Variants in LRP1B observed in about 807,000 individuals in gnomAD.
LRP1B encodes LDL receptor related protein 1B, also known as low-density lipoprotein receptor-related protein 1B.
A neutral mutation model predicts 556.6 loss-of-function variants in LRP1B; 217 were observed. The ratio of observed to expected loss-of-function variants is 0.39; its 90% CI spans 0.35 to 0.44. The LOEUF is 0.44. LRP1B is among the 20% of genes least tolerant of loss of function. LRP1B has a pLI of 1.00. For missense variants in LRP1B, 5,053 were observed against 5,620.8 expected (o/e 0.90, Z 3.23); for synonymous variants, 2,047 against 1,865.8 (o/e 1.10, Z -2.50).
At chr2:140,414,034 G>A (rs2105252649) in intron 66 of LRP1B, among the ~76,000 whole-genome samples, 1 of 152,138 alleles carries the variant, frequency 6.6e-6, no homozygotes, top group South Asian at 2.1e-4. Context: ...TCCCACCTCA[G>A]GAGTACCTGT....
intron 1 of LRP1B, among the ~76,000 whole-genome samples, chr2:141,822,115 A>G (rs1198374582): frequency 8.4e-6 from 1 of 119,060 alleles, no homozygotes. Context: ...ACACACACAC[A>G]CACACACACA....
At chr2:141,589,758 G>A (rs940630788) in intron 2 of LRP1B, among the ~76,000 whole-genome samples, 1 of 152,100 alleles carries the variant, frequency 6.6e-6, no homozygotes, top group African/African-American at 2.4e-5. Flanking sequence ...GTTGTCATAT[G>A]GCTAAATCCT....
At chr2:141,000,671 A>C (rs895230503) in intron 15 of LRP1B, among the ~76,000 whole-genome samples, 1 of 151,960 alleles carries the variant, frequency 6.6e-6, no homozygotes, top group African/African-American at 2.4e-5. Flanking sequence ...CTCATCTTTC[A>C]TTTTCTTTTG....
chr2:141,059,165 C>G, intron 8 of LRP1B, 111 bp from the exon 9 acceptor site: 2 of 638,640 alleles, frequency 3.1e-6, no homozygotes, highest in Admixed American at 3.3e-5. Flanking sequence ...AGAAGAACCG[C>G]AAGGATGTTA....
chr2:141,223,974 C>A (rs1013616095), intron 6 of LRP1B, among the ~76,000 whole-genome samples: 1 of 152,116 alleles, frequency 6.6e-6, no homozygotes, highest in African/African-American at 2.4e-5. Flanking sequence ...TAGGCACGGG[C>A]AAAGATTTCC....
chr2:141,204,060 A>G (rs75858813), intron 6 of LRP1B, among the ~76,000 whole-genome samples: 1,883 of 152,312 alleles, frequency 0.012, 36 homozygotes, highest in African/African-American at 0.044. Flanking sequence ...ATAGCATTAA[A>G]TGCCCACAAG....
intron 81 of LRP1B, 29 bp downstream of exon 81, chr2:140,323,864 T>C: frequency 8.8e-7 from 1 of 1,137,900 alleles, no homozygotes. Flanking sequence ...TTTACCAATA[T>C]AGACAACTTC....
rs184009082 is a variant in LRP1B, at chr2:142,102,390, A to G, written c.82+28258T>C. Among the ~76,000 whole-genome samples the G allele has an allele frequency of 9.2e-5, 14 of 152,048 alleles. No individual in the cohort carries two copies. In the East Asian group the frequency reaches 2.7e-3, roughly 29 times the overall value. ...TATTAAACTTGAGTTTGTATCAGAC[A>G]AATTCACTTAAGATCTGGCAGCCAT... is the stretch of plus-strand genomic sequence containing the variant. On this transcript the variant is annotated intron_variant, in intron 1 of 90. Transcript: ENST00000389484.
intron 2 of LRP1B, among the ~76,000 whole-genome samples, chr2:141,572,262 T>C (rs1574091655): frequency 1.3e-5 from 2 of 151,942 alleles, no homozygotes; most frequent in Admixed American, 6.6e-5. Flanking sequence ...CCAGAAGAGA[T>C]TGGGGGTCAA....
At position 142,042,722 on chromosome 2, in the gene LRP1B, C is replaced by T. The variant is rs566759339; in HGVS notation, c.82+87926G>A. On this transcript the variant is annotated intron_variant, in intron 1 of 90. Transcript: ENST00000389484. ...AAATGTTGAAATGTGTTGGTCTAACCACCTGAATTCTATCCAAACCCACCA... is the reference window on the plus strand; with the variant it reads ...AAATGTTGAAATGTGTTGGTCTAACTACCTGAATTCTATCCAAACCCACCA... Among the ~76,000 whole-genome samples the T allele has an allele frequency of 3.3e-5, 5 of 151,636 alleles. 1 individual carries two copies. The South Asian group carries it at 1.0e-3, about 31-fold the overall frequency.
intron 1 of LRP1B, among the ~76,000 whole-genome samples, chr2:142,039,707 C>T (rs75818222): frequency 0.039 from 5,983 of 151,520 alleles, 393 homozygotes; most frequent in African/African-American, 0.14. Context: ...TAAACACGTG[C>T]TTTTATGAAT....
At chr2:140,687,221 A>G (rs1686080565) in intron 41 of LRP1B, among the ~76,000 whole-genome samples, 1 of 152,116 alleles carries the variant, frequency 6.6e-6, no homozygotes. Flanking sequence ...ATGGAAAGGA[A>G]TCATGGGATG....
chr2:140,581,047 C>T (rs1445777408), intron 43 of LRP1B, among the ~76,000 whole-genome samples: 1 of 152,158 alleles, frequency 6.6e-6, no homozygotes, highest in Non-Finnish European at 1.5e-5. Flanking sequence ...TTTGTTATGG[C>T]AGTATATCAG....
chr2:141,626,498 A>G (rs1688706644), intron 2 of LRP1B, among the ~76,000 whole-genome samples: 1 of 152,224 alleles, frequency 6.6e-6, no homozygotes, highest in Non-Finnish European at 1.5e-5. Context: ...TCTCTGTGAA[A>G]GACAATGTCA....
intron 29 of LRP1B, among the ~76,000 whole-genome samples, chr2:140,843,693 A>G (rs1692190299): frequency 6.6e-6 from 1 of 152,166 alleles, no homozygotes; most frequent in Admixed American, 6.5e-5. Flanking sequence ...CAACAACATC[A>G]TCCCTTCAAC....
intron 66 of LRP1B, among the ~76,000 whole-genome samples, chr2:140,417,098 A>G (rs1685234823): frequency 1.3e-5 from 2 of 152,224 alleles, no homozygotes; most frequent in African/African-American, 4.8e-5. Context: ...ACATGGAGAC[A>G]AAGCACCGTG....
intron 35 of LRP1B, among the ~76,000 whole-genome samples, chr2:140,737,025 C>T (rs1258929914): frequency 2.0e-5 from 3 of 152,104 alleles, no homozygotes; most frequent in Admixed American, 2.0e-4. Flanking sequence ...AACAAGAGTG[C>T]TGTTTAACAT....
At chr2:141,587,197 G>T (rs1687173122) in intron 2 of LRP1B, among the ~76,000 whole-genome samples, 1 of 152,226 alleles carries the variant, frequency 6.6e-6, no homozygotes, top group African/African-American at 2.4e-5. Flanking sequence ...CAGCAAAAAA[G>T]TATATATGTG....
chr2:141,122,116 A>C (rs1701067900), intron 7 of LRP1B, among the ~76,000 whole-genome samples: 1 of 152,212 alleles, frequency 6.6e-6, no homozygotes, highest in Non-Finnish European at 1.5e-5. Context: ...TGGATTAAAG[A>C]CTTAAATGTT....
Sources: allele counts gnomAD v4.1 joint callset (sites outside exome capture counted in the v4.1 genomes callset), GRCh38; gene constraint gnomAD v4.1.1; transcripts MANE v1.5; gene names NCBI Gene and HGNC (gene_info 2026-07-23, HGNC 2026-07-21).